PARN: variants seen among roughly 807,000 people sequenced by gnomAD.
PARN encodes the protein poly(A)-specific ribonuclease PARN.
PARN carries 71 observed loss-of-function variants against 102.8 expected under a neutral mutation model. The observed-to-expected ratio is 0.69, with a 90% CI of 0.57 to 0.84. The LOEUF (loss-of-function observed/expected upper bound fraction) is 0.84. PARN is among the 40% of genes least tolerant of loss of function. The pLI, the probability that PARN is intolerant of heterozygous loss-of-function variation, is 0.00. For synonymous variants in PARN, 261 were observed against 252.9 expected (o/e 1.03, Z -0.30); for missense variants, 782 against 760.9 (o/e 1.03, Z -0.33).
chr16:14,512,367 G>A (rs1236272179), intron 21 of PARN, among the ~76,000 whole-genome samples: 1 of 152,120 alleles, frequency 6.6e-6, no homozygotes, highest in East Asian at 1.9e-4. Flanking sequence ...GCTGGGTGTG[G>A]TGGTGCACGC....
At chr16:14,553,478 T>C (rs1240507630) in intron 20 of PARN, among the ~76,000 whole-genome samples, 1 of 152,238 alleles carries the variant, frequency 6.6e-6, no homozygotes, top group African/African-American at 2.4e-5. Context: ...TGGCCTTCAC[T>C]TTATCCAAGA....
At chr16:14,505,332 C>G (rs1366859601) in intron 21 of PARN, among the ~76,000 whole-genome samples, 1 of 152,184 alleles carries the variant, frequency 6.6e-6, no homozygotes, top group Admixed American at 6.5e-5. Flanking sequence ...TTAAGAATAG[C>G]TGGGCACAGT....
At position 14,554,109 on chromosome 16, in the gene PARN, T is replaced by C. The variant is rs769358428; in HGVS notation, c.1361A>G (p.Lys454Arg). Residue 454 changes from lysine (K) to arginine (R), a missense_variant, in exon 20 of 24, where the codon AAA becomes AGA. By Grantham distance (26) the Lys-to-Arg change is conservative (BLOSUM62 2). Coordinates refer to ENST00000437198, the MANE Select transcript of PARN (RefSeq NM_002582.4). ...GTAAAGGTCGCTGGTTTTCCATTCT[T>C]TGGGGAATGTCACATGGAGAACATG... ...RDHVLHVTFP[K>R]EWKTSDLYQL... 1.9e-6 allele frequency: 3 copies of C among 1,613,552 alleles called. No homozygotes were observed. The highest frequency in any genetic ancestry group is 2.2e-5 in the East Asian group (1 of 44,866).
chr16:14,483,545 T>C (rs369553405), intron 21 of PARN, among the ~76,000 whole-genome samples: 2 of 152,322 alleles, frequency 1.3e-5, no homozygotes, highest in African/African-American at 4.8e-5. Context: ...TTAATTTTTT[T>C]AAATGATCAG....
intron 18 of PARN, chr16:14,576,270 C>A (rs1424182416): frequency 6.6e-6 from 1 of 152,198 alleles, no homozygotes; most frequent in East Asian, 1.9e-4. Context: ...AGATTTCCAG[C>A]GGAACCCTGT....
At chr16:14,449,308 A>C (rs1961344703) in intron 22 of PARN, among the ~76,000 whole-genome samples, 1 of 152,166 alleles carries the variant, frequency 6.6e-6, no homozygotes, top group Non-Finnish European at 1.5e-5. Flanking sequence ...TGTTGGGACA[A>C]GCAGAAAAGG....
chr16:14,586,838 T>A (rs1461034149), intron 13 of PARN, among the ~76,000 whole-genome samples: 1 of 152,214 alleles, frequency 6.6e-6, no homozygotes, highest in East Asian at 1.9e-4. Flanking sequence ...AGATCACCTT[T>A]GAAATGTTAG....
intron 7 of PARN, among the ~76,000 whole-genome samples, chr16:14,609,725 C>G (rs1053538270): frequency 1.3e-5 from 2 of 152,226 alleles, no homozygotes; most frequent in African/African-American, 4.8e-5. Context: ...ACACCAACAA[C>G]TAAGCTGAGC....
At chr16:14,581,102 G>A (rs1329360030) in intron 17 of PARN, among the ~76,000 whole-genome samples, 159 bp from the exon 18 acceptor site, 2 of 152,022 alleles carry the variant, frequency 1.3e-5, no homozygotes, top group Non-Finnish European at 2.9e-5. Flanking sequence ...GCCCAGGCTG[G>A]AGTGCAATGG....
At chr16:14,465,248 TA>T in intron 22 of PARN, among the ~76,000 whole-genome samples, 1 of 152,228 alleles carries the variant, frequency 6.6e-6, no homozygotes, top group East Asian at 1.9e-4. Context: ...CAAGCTCGGC[TA>T]ATTTTTTGGC....
chr16:14,604,197 T>A lies in PARN; in HGVS notation c.732A>T (p.Val244=), dbSNP rs1465389964. The A allele has an allele frequency of 6.3e-7, 1 of 1,598,216 alleles. No individual in the cohort carries two copies. The highest frequency in any genetic ancestry group is 8.5e-7 in the Non-Finnish European group (1 of 1,170,034). ...KKERYIVISK[V]DEEERKRREQ... ...CTCTTCTTTTGCGTTCTTCTTCATC[T>A]ACTTTGCTGATAACTATATATCGCT... The change falls in exon 11 of 24, where the codon GTA becomes GTT. Residue 244 remains valine, a synonymous_variant. Coordinates refer to ENST00000437198, the MANE Select transcript of PARN (RefSeq NM_002582.4).
At chr16:14,604,671 A>G (rs1329010061) in intron 10 of PARN, among the ~76,000 whole-genome samples, 1 of 152,196 alleles carries the variant, frequency 6.6e-6, no homozygotes, top group Admixed American at 6.5e-5. Context: ...GCTGGAGTGC[A>G]GTGGCACAAC....
At chr16:14,628,673 T>C (rs139209491) in intron 2 of PARN, among the ~76,000 whole-genome samples, 530 of 152,318 alleles carry the variant, frequency 3.5e-3, no homozygotes, top group Middle Eastern at 0.014. Flanking sequence ...ATCTTCAAGA[T>C]TAAGAGAAAA....
chr16:14,628,171 C>T lies in PARN; in HGVS notation c.177+1G>A, dbSNP rs1972793503. On this transcript the variant is annotated splice_donor_variant, in intron 3 of 23. Transcript: ENST00000437198. LOFTEE classifies it high-confidence loss of function. ...AAAGATTTCCTAGCACATCCACTTG[C>T]CTTTTTAAGCTTCTGATACCTCTCT... is the stretch of plus-strand genomic sequence containing the variant. The T allele has an allele frequency of 1.9e-6, 3 of 1,555,074 alleles. No homozygotes were observed. The highest frequency in any genetic ancestry group is 2.7e-6 in the Non-Finnish European group (3 of 1,128,220).
intron 18 of PARN, among the ~76,000 whole-genome samples, chr16:14,579,042 AGTG>A (rs991797566): frequency 6.6e-6 from 1 of 151,172 alleles, no homozygotes; most frequent in Non-Finnish European, 1.5e-5. Flanking sequence ...GCTGGAGTGC[AGTG>A]GTGTGATCTT....
intron 21 of PARN, among the ~76,000 whole-genome samples, chr16:14,498,715 G>A (rs556885981): frequency 6.6e-6 from 1 of 152,356 alleles, no homozygotes; most frequent in South Asian, 2.1e-4. Context: ...GGAAGGGAAT[G>A]AAATCCTCTC....
chr16:14,521,506 T>C (rs1327218315), intron 21 of PARN, among the ~76,000 whole-genome samples: 1 of 152,164 alleles, frequency 6.6e-6, no homozygotes, highest in Non-Finnish European at 1.5e-5. Flanking sequence ...ATTTGTTAAA[T>C]ATATGTAACG....
Position 14,584,344 on chromosome 16 carries a change from T to C in PARN, c.1081+3A>G. 1.9e-6 allele frequency: 3 copies of C among 1,601,000 alleles called. No individual in the cohort carries two copies. Among genetic ancestry groups the C allele is most frequent in the Non-Finnish European group, 2.6e-6 (3 of 1,168,232 alleles). The stretch of plus-strand genomic sequence containing the variant: ...TGGAGGGTTTCCGGTTTAATATTCT[T>C]ACCAACTTTAGGAGGGTTGAAAGGT... On this transcript the variant is annotated splice_donor_region_variant and intron_variant, in intron 16 of 23. Transcript: ENST00000437198.
At chr16:14,625,201 A>G (rs1972566935) in intron 5 of PARN, among the ~76,000 whole-genome samples, 2 of 151,492 alleles carry the variant, frequency 1.3e-5, no homozygotes, top group Admixed American at 1.3e-4. Flanking sequence ...AATTTACCAA[A>G]AAAAAAACAA....
Sources: allele counts gnomAD v4.1 joint callset (sites outside exome capture counted in the v4.1 genomes callset), GRCh38; gene constraint gnomAD v4.1.1; transcripts MANE v1.5; gene names NCBI Gene and HGNC (gene_info 2026-07-23, HGNC 2026-07-21).